Variants in COL13A1 observed in about 807,000 individuals in gnomAD.
COL13A1 encodes the protein collagen alpha-1(XIII) chain.
In COL13A1, 89 loss-of-function variants were observed where a neutral mutation model predicts 130.9. The observed-to-expected ratio is 0.68, with a 90% CI of 0.57 to 0.81. The LOEUF is 0.81. COL13A1 is among the 30% of genes least tolerant of loss of function. The pLI is 0.00. For missense variants in COL13A1, 879 were observed against 934.6 expected (o/e 0.94, Z 0.78); for synonymous variants, 402 against 341.6 (o/e 1.18, Z -1.95).
intron 26 of COL13A1, 85 bp downstream of exon 26, chr10:69,925,957 G>A (rs1274870991): frequency 3.5e-6 from 4 of 1,133,306 alleles, no homozygotes; most frequent in Non-Finnish European, 5.2e-6. Context: ...CTTCCACACA[G>A]CCGAGTAGGG....
chr10:69,854,563 C>CA (rs33989837), intron 2 of COL13A1, among the ~76,000 whole-genome samples: 42,267 of 147,088 alleles, frequency 0.29, 6,270 homozygotes, highest in East Asian at 0.56. Flanking sequence ...GACCCTGTCT[C>CA]AAAAAAAAAA....
chr10:69,876,430 G>T (rs983099477), intron 5 of COL13A1, among the ~76,000 whole-genome samples: 7 of 152,322 alleles, frequency 4.6e-5, no homozygotes, highest in Admixed American at 2.6e-4. Flanking sequence ...TCAGAGTTCA[G>T]GACAAGTGTT....
At chr10:69,828,470 C>T (rs1477523407) in intron 2 of COL13A1, among the ~76,000 whole-genome samples, 1 of 152,202 alleles carries the variant, frequency 6.6e-6, no homozygotes, top group Non-Finnish European at 1.5e-5. Context: ...TCATACCCCC[C>T]ATCCCAAAGA....
chr10:69,940,215 G>A (rs2136061450), intron 34 of COL13A1, among the ~76,000 whole-genome samples: 1 of 150,118 alleles, frequency 6.7e-6, no homozygotes, highest in South Asian at 2.1e-4. Context: ...GGTCTCAGTA[G>A]CTTCCCACCT....
intron 6 of COL13A1, chr10:69,879,552 A>G (rs2059927921): frequency 6.6e-6 from 1 of 152,214 alleles, no homozygotes; most frequent in African/African-American, 2.4e-5. Context: ...TTGCCATGAC[A>G]TAAACAGTTA....
chr10:69,945,854 C>A, intron 37 of COL13A1, 130 bp downstream of exon 37: 1 of 1,141,038 alleles, frequency 8.8e-7, no homozygotes, highest in Non-Finnish European at 1.3e-6. Flanking sequence ...GGGCGCATCA[C>A]GAGGTCAGGA....
intron 34 of COL13A1, among the ~76,000 whole-genome samples, chr10:69,939,504 T>A (rs1312043682): frequency 1.3e-5 from 2 of 152,228 alleles, no homozygotes; most frequent in African/African-American, 4.8e-5. Flanking sequence ...TGCATTTTTT[T>A]AAAGTACATG....
At chr10:69,854,234 T>C (rs1855775847) in intron 2 of COL13A1, among the ~76,000 whole-genome samples, 1 of 152,142 alleles carries the variant, frequency 6.6e-6, no homozygotes, top group African/African-American at 2.4e-5. Flanking sequence ...CCTTTGCCCC[T>C]TCTCGTGCCA....
intron 1 of COL13A1, among the ~76,000 whole-genome samples, chr10:69,816,021 C>T (rs1844400532): frequency 6.6e-6 from 1 of 151,560 alleles, no homozygotes; most frequent in African/African-American, 2.4e-5. Flanking sequence ...AACACCCAGG[C>T]AGAGAGCCCA....
rs145554863 is a variant in COL13A1, at chr10:69,890,765, G to A, written c.603+1325G>A. 6.6e-5 allele frequency among the ~76,000 whole-genome samples: 10 copies of A among 152,346 alleles called. No homozygotes were observed. In the East Asian group the frequency reaches 9.6e-4, roughly 15 times the overall value. Reference sequence around the variant, plus strand: ...CTAATATTTATTGAGGGTTTGCCACGTGGTTGGCACTGGGCTAAGCACTTT... The same window carrying A: ...CTAATATTTATTGAGGGTTTGCCACATGGTTGGCACTGGGCTAAGCACTTT... On this transcript the variant is annotated intron_variant, in intron 10 of 40. Coordinates refer to ENST00000645393, the MANE Select transcript of COL13A1 (RefSeq NM_001368882.1).
At chr10:69,886,140 C>T (rs1190838241) in intron 7 of COL13A1, among the ~76,000 whole-genome samples, 3 of 152,188 alleles carry the variant, frequency 2.0e-5, no homozygotes, top group African/African-American at 7.2e-5. Flanking sequence ...CAAGGACAAA[C>T]TTTCATTGAT....
At chr10:69,872,149 T>G (rs753959305) in intron 3 of COL13A1, 35 bp from the exon 4 acceptor site, 1 of 1,613,926 alleles carries the variant, frequency 6.2e-7, no homozygotes, top group East Asian at 2.2e-5. Flanking sequence ...TTACGATACC[T>G]GCCTGACCTA....
intron 2 of COL13A1, among the ~76,000 whole-genome samples, chr10:69,854,535 T>C (rs1855856479): frequency 1.3e-5 from 2 of 150,080 alleles, no homozygotes; most frequent in South Asian, 4.3e-4. Context: ...ATCACACGAC[T>C]GCCCTCCAGT....
chr10:69,884,878 C>CA (rs2060467603), intron 7 of COL13A1, among the ~76,000 whole-genome samples: 1 of 152,124 alleles, frequency 6.6e-6, no homozygotes, highest in Non-Finnish European at 1.5e-5. Flanking sequence ...AAGCCAAATG[C>CA]ATGTGTCAAT....
intron 1 of COL13A1, among the ~76,000 whole-genome samples, chr10:69,803,787 A>G (rs1840710944): frequency 6.6e-6 from 1 of 152,176 alleles, no homozygotes. Flanking sequence ...AGCTTGGGAC[A>G]AACGCTCCAA....
chr10:69,835,460 G>C (rs1249348700), intron 2 of COL13A1, among the ~76,000 whole-genome samples: 1 of 152,048 alleles, frequency 6.6e-6, no homozygotes, highest in Non-Finnish European at 1.5e-5. Context: ...CCTCTCCCCT[G>C]TTACTCCCTG....
At chr10:69,944,977 CACAGG>C (rs1452846291) in intron 36 of COL13A1, among the ~76,000 whole-genome samples, 2 of 152,260 alleles carry the variant, frequency 1.3e-5, no homozygotes, top group Non-Finnish European at 2.9e-5. Flanking sequence ...TTGGCCATGT[CACAGG>C]ACTTGCAGTT....
At chr10:69,829,370 C>T in intron 2 of COL13A1, 3 of 633,722 alleles carry the variant, frequency 4.7e-6, no homozygotes, top group Non-Finnish European at 5.9e-6. Context: ...CCCTAAATCC[C>T]TAACACAGCT....
chr10:69,863,993 A>G (rs993950256), intron 2 of COL13A1, among the ~76,000 whole-genome samples: 1 of 152,066 alleles, frequency 6.6e-6, no homozygotes. Context: ...GCCTGAGCCC[A>G]GGGAGGCTGA....
Sources: allele counts gnomAD v4.1 joint callset (sites outside exome capture counted in the v4.1 genomes callset), GRCh38; gene constraint gnomAD v4.1.1; transcripts MANE v1.5; gene names NCBI Gene and HGNC (gene_info 2026-07-23, HGNC 2026-07-21).